The following COL4A2 variants were observed in gnomAD, a reference collection of about 807,000 sequenced individuals.
COL4A2 encodes collagen type IV alpha 2 chain, also known as collagen alpha-2(IV) chain.
Under a neutral mutation model 200.2 loss-of-function variants are expected in COL4A2, and 99 were observed. That is an observed-to-expected ratio of 0.49 (90% CI 0.42 to 0.58). The LOEUF (loss-of-function observed/expected upper bound fraction) is 0.58. COL4A2 is among the 20% of genes least tolerant of loss of function. The pLI is 0.00. For missense variants in COL4A2, 1,950 were observed against 2,314.1 expected (o/e 0.84, Z 3.23); for synonymous variants, 897 against 900.6 (o/e 1.00, Z 0.07).
chr13:110,342,083 G>A (rs1236916510), intron 3 of COL4A2, among the ~76,000 whole-genome samples: 1 of 152,182 alleles, frequency 6.6e-6, no homozygotes, highest in Non-Finnish European at 1.5e-5. Flanking sequence ...TGGCTCATTG[G>A]TTGACCTCGG....
chr13:110,466,156 T>G (rs1882232615), intron 26 of COL4A2, 94 bp downstream of exon 26: 6 of 1,439,544 alleles, frequency 4.2e-6, no homozygotes. Flanking sequence ...ATAAGAAATA[T>G]TAATAATATG....
In COL4A2 at chr13:110,473,137, C is replaced by A. The variant is rs1010821821; in HGVS notation, c.2412C>A (p.Pro804=). 31 of 1,556,882 alleles carry A rather than the reference C, an allele frequency of 2.0e-5. No homozygotes were observed. Among genetic ancestry groups the A allele is most frequent in the Non-Finnish European group, 2.6e-5 (30 of 1,150,570 alleles). ...AAGGCCTTCCCGGAGACAGAGGCCCCCCTGGATTCAGAGGTGAGTGCCCCA... is the reference window on the plus strand; with the variant it reads ...AAGGCCTTCCCGGAGACAGAGGCCCACCTGGATTCAGAGGTGAGTGCCCCA... ...GLKGLPGDRG[P]PGFRGSQGMP... The change falls in exon 29 of 48, where the codon CCC becomes CCA. Residue 804 remains proline, a synonymous_variant. Transcript: ENST00000360467.
intron 3 of COL4A2, among the ~76,000 whole-genome samples, chr13:110,315,511 T>G (rs541116767): frequency 6.6e-6 from 1 of 152,302 alleles, no homozygotes; most frequent in Non-Finnish European, 1.5e-5. Flanking sequence ...TTCTCCTGCC[T>G]CAGCCTCCCA....
intron 3 of COL4A2, among the ~76,000 whole-genome samples, chr13:110,328,085 G>A (rs1037980271): frequency 6.6e-6 from 1 of 152,162 alleles, no homozygotes; most frequent in African/African-American, 2.4e-5. Context: ...AGGCAAGAAG[G>A]AGTCTTCAGT....
chr13:110,499,312 T>C (rs1883562675), intron 40 of COL4A2, among the ~76,000 whole-genome samples: 1 of 152,188 alleles, frequency 6.6e-6, no homozygotes, highest in African/African-American at 2.4e-5. Context: ...AAACTTACAA[T>C]CATGGCGGAA....
intron 22 of COL4A2, among the ~76,000 whole-genome samples, chr13:110,461,298 G>A (rs948322492): frequency 5.3e-5 from 8 of 152,190 alleles, no homozygotes; most frequent in Non-Finnish European, 1.2e-4. Flanking sequence ...TGTTTTAGAG[G>A]AAGCCACCTT....
At chr13:110,335,088 C>T (rs965237319) in intron 3 of COL4A2, among the ~76,000 whole-genome samples, 1 of 152,218 alleles carries the variant, frequency 6.6e-6, no homozygotes, top group East Asian at 1.9e-4. Context: ...CTGTGTCACA[C>T]TTCTCATCCC....
At chr13:110,509,268 TATACACACAC>T (rs1369470356) in intron 47 of COL4A2, among the ~76,000 whole-genome samples, 1 of 120,622 alleles carries the variant, frequency 8.3e-6, no homozygotes. Flanking sequence ...TATATATATA[TATACACACAC>T]ACACACACAC....
intron 4 of COL4A2, among the ~76,000 whole-genome samples, chr13:110,380,945 T>TGGGCTCTATCTCACACCCAC (rs1878455674): frequency 9.5e-6 from 1 of 105,728 alleles, no homozygotes; most frequent in Non-Finnish European, 1.9e-5. Flanking sequence ...CTCACACCCA[T>TGGGCTCTATCTCACACCCAC]GGGCTCTATC....
intron 4 of COL4A2, among the ~76,000 whole-genome samples, chr13:110,395,520 G>C (rs546126789): frequency 2.6e-5 from 4 of 152,278 alleles, no homozygotes; most frequent in African/African-American, 7.2e-5. Context: ...AAATGAGAAC[G>C]TGACACATTT....
chr13:110,494,571 T>C (rs1360516127), intron 39 of COL4A2, among the ~76,000 whole-genome samples: 1 of 151,966 alleles, frequency 6.6e-6, no homozygotes, highest in Non-Finnish European at 1.5e-5. Context: ...GAAAAAAAAA[T>C]TAACACATTT....
intron 24 of COL4A2, among the ~76,000 whole-genome samples, chr13:110,463,719 A>G (rs1882124466): frequency 6.6e-6 from 1 of 152,170 alleles, no homozygotes; most frequent in Non-Finnish European, 1.5e-5. Context: ...AATTTTCTGT[A>G]GAGATGAGAT....
At chr13:110,347,017 C>G (rs1876734539) in intron 3 of COL4A2, among the ~76,000 whole-genome samples, 1 of 152,234 alleles carries the variant, frequency 6.6e-6, no homozygotes. Context: ...TGCACACCTG[C>G]CTTCCTCGCT....
intron 4 of COL4A2, among the ~76,000 whole-genome samples, chr13:110,401,884 G>A (rs139598628): frequency 1.3e-5 from 2 of 152,260 alleles, no homozygotes; most frequent in Middle Eastern, 3.4e-3. Flanking sequence ...GTGTCCTCAC[G>A]CAGCAGAAAG....
rs757339590 is a variant in COL4A2, at chr13:110,380,164, A to C, written c.180+22612A>C. Among the ~76,000 whole-genome samples the C allele has an allele frequency of 5.9e-5, 9 of 152,206 alleles. No homozygotes were observed. The East Asian group carries it at 1.7e-3, about 29-fold the overall frequency. Reference sequence around the variant, plus strand: ...AGCACATTAGTCATGGCCTCAACCCAGCTGGGAGTGATTTGCATTTGATAA... The same window carrying C: ...AGCACATTAGTCATGGCCTCAACCCCGCTGGGAGTGATTTGCATTTGATAA... On this transcript the variant is annotated intron_variant, in intron 4 of 47. Coordinates refer to ENST00000360467, the MANE Select transcript of COL4A2 (RefSeq NM_001846.4).
chr13:110,473,254 C>T, intron 29 of COL4A2, 104 bp downstream of exon 29: 8 of 1,090,132 alleles, frequency 7.3e-6, no homozygotes, highest in Non-Finnish European at 1.0e-5. Flanking sequence ...GCAGCGGTGC[C>T]CTATAGTGCT....
Position 110,411,973 on chromosome 13 carries a change from G to C in COL4A2, c.181-12761G>C, listed in dbSNP as rs201286669. Among the ~76,000 whole-genome samples the C allele has an allele frequency of 3.3e-5, 5 of 152,214 alleles. No individual in the cohort carries two copies. In the East Asian group the frequency reaches 9.6e-4, roughly 29 times the overall value. ...GACTACATAGGCTGACTGTTGGAAAGTGCTCCGAACAGTGAACAGTCTAGA... is the reference window on the plus strand; with the variant it reads ...GACTACATAGGCTGACTGTTGGAAACTGCTCCGAACAGTGAACAGTCTAGA... On this transcript the variant is annotated intron_variant, in intron 4 of 47. Coordinates refer to ENST00000360467, the MANE Select transcript of COL4A2 (RefSeq NM_001846.4).
At chr13:110,438,567 T>C (rs1242793122) in intron 14 of COL4A2, 51 bp from the exon 15 acceptor site, 2 of 1,611,748 alleles carry the variant, frequency 1.2e-6, no homozygotes, top group Non-Finnish European at 1.7e-6. Flanking sequence ...CCCTGTTGGC[T>C]GGAGGGGCCG....
rs1378625863 is a variant in COL4A2 at position 110,307,968 on chromosome 13, T to A, written c.44+21T>A. The stretch of plus-strand genomic sequence containing the variant: ...CGGCGGTAAGCGACTTTCTGCCTGG[T>A]CCCCGTGGGTCACGCGCGCATGGAC... On this transcript the variant is annotated intron_variant, in intron 2 of 47. Transcript: ENST00000360467. This position sits in a 1 kb window ranked among gnomAD's most constrained non-coding sequence, Gnocchi z 5.0. 1.2e-6 allele frequency: 2 copies of A among 1,612,018 alleles called. No individual in the cohort carries two copies. The highest frequency in any genetic ancestry group is 1.7e-6 in the Non-Finnish European group (2 of 1,179,358).
Sources: allele counts gnomAD v4.1 joint callset (sites outside exome capture counted in the v4.1 genomes callset), GRCh38; gene constraint gnomAD v4.1.1; non-coding constraint Gnocchi (gnomAD v3.1); transcripts MANE v1.5; gene names NCBI Gene and HGNC (gene_info 2026-07-23, HGNC 2026-07-21).